LARGE1: variants seen among roughly 807,000 people sequenced by gnomAD.
The protein encoded by LARGE1 is LARGE xylosyl- and glucuronyltransferase 1, also known as xylosyl- and glucuronyltransferase LARGE1.
Under a neutral mutation model 87.6 loss-of-function variants are expected in LARGE1, and 43 were observed. The observed-to-expected ratio is 0.49, with a 90% CI of 0.38 to 0.63. The LOEUF is 0.63. Among genes scored for constraint, LARGE1 ranks in the 30% least tolerant of loss-of-function variants. The pLI, the probability that LARGE1 is intolerant of heterozygous loss-of-function variation, is 0.00. For synonymous variants in LARGE1, 434 were observed against 394.6 expected, an observed-to-expected ratio of 1.10 and a Z score of -1.18; for missense variants, 802 against 1,000.2, an observed-to-expected ratio of 0.80 and a Z score of 2.67.
At chr22:33,554,585 T>C (rs572112634) in intron 6 of LARGE1, among the ~76,000 whole-genome samples, 1 of 152,194 alleles carries the variant, frequency 6.6e-6, no homozygotes, top group Non-Finnish European at 1.5e-5. Context: ...TCCCTTGCTC[T>C]GACTCCAAGG....
intron 9 of LARGE1, among the ~76,000 whole-genome samples, chr22:33,377,843 T>C (rs2147075450): frequency 6.6e-6 from 1 of 152,362 alleles, no homozygotes; most frequent in Non-Finnish European, 1.5e-5. Flanking sequence ...AGCTGCTGTT[T>C]AACATATCCA....
chr22:33,796,798 A>T lies in LARGE1; in HGVS notation c.-82-35240T>A, dbSNP rs1284734017. Among the ~76,000 whole-genome samples the T allele has an allele frequency of 4.5e-3, 557 of 125,060 alleles. 11 individuals are homozygous for T. Among genetic ancestry groups the T allele is most frequent in the East Asian group, 0.032 (128 of 4,062 alleles). 82.0% of individuals were successfully genotyped at this position (125,060 alleles called of 152,430 possible). On this transcript the variant is annotated intron_variant, in intron 1 of 14. Coordinates refer to ENST00000397394, the MANE Select transcript of LARGE1 (RefSeq NM_133642.5). The stretch of plus-strand genomic sequence containing the variant: ...TTTTTTTTTTTTTTTTTCCCCTGAG[A>T]TGGGATGTCGCTCCGTCTCCTAGGC...
intron 1 of LARGE1, among the ~76,000 whole-genome samples, chr22:33,767,663 T>A (rs914309461): frequency 2.6e-5 from 4 of 152,012 alleles, no homozygotes; most frequent in Admixed American, 1.3e-4. Flanking sequence ...ATTAGCATCA[T>A]GGATGTTAGA....
intron 2 of LARGE1, among the ~76,000 whole-genome samples, chr22:33,710,610 C>T (rs956496188): frequency 6.6e-6 from 1 of 152,190 alleles, no homozygotes; most frequent in Non-Finnish European, 1.5e-5. Context: ...AGACTGGACA[C>T]AATGGGCACA....
At chr22:33,915,248 A>G (rs779913944) in intron 1 of LARGE1, among the ~76,000 whole-genome samples, 34 of 152,182 alleles carry the variant, frequency 2.2e-4, no homozygotes, top group Non-Finnish European at 4.6e-4. Flanking sequence ...AGAAACACAC[A>G]TATGCACACA....
chr22:33,772,514 G>A (rs945917113), intron 1 of LARGE1, among the ~76,000 whole-genome samples: 1 of 151,862 alleles, frequency 6.6e-6, no homozygotes, highest in African/African-American at 2.4e-5. Flanking sequence ...CTTTGCAAGT[G>A]TGCTCCCTGT....
At chr22:33,552,611 C>T (rs2077563938) in intron 6 of LARGE1, among the ~76,000 whole-genome samples, 1 of 152,170 alleles carries the variant, frequency 6.6e-6, no homozygotes, top group Non-Finnish European at 1.5e-5. Flanking sequence ...CCTACTCGCC[C>T]TCCTTCTCCC....
chr22:33,790,363 C>A (rs2085784508), intron 1 of LARGE1, among the ~76,000 whole-genome samples: 1 of 152,292 alleles, frequency 6.6e-6, no homozygotes, highest in Non-Finnish European at 1.5e-5. Flanking sequence ...TGAGAACATG[C>A]TAATACACCT....
chr22:33,704,932 C>G (rs1020603778), intron 2 of LARGE1: 7 of 152,250 alleles, frequency 4.6e-5, no homozygotes, highest in African/African-American at 1.7e-4. Flanking sequence ...CTGCCTGTTG[C>G]CAGAGCAGAG....
At chr22:33,696,387 T>C (rs891436406) in intron 2 of LARGE1, among the ~76,000 whole-genome samples, 15 of 151,628 alleles carry the variant, frequency 9.9e-5, no homozygotes, top group Admixed American at 2.0e-4. Flanking sequence ...CTCAGCCTCC[T>C]GAGTAGCTAG....
chr22:33,307,176 C>CT (rs778281683), intron 11 of LARGE1, among the ~76,000 whole-genome samples: 9 of 152,180 alleles, frequency 5.9e-5, no homozygotes, highest in Non-Finnish European at 1.3e-4. Context: ...TTACCTGCTG[C>CT]TTGTCATGTC....
At chr22:33,528,896 T>C (rs1026413125) in intron 6 of LARGE1, among the ~76,000 whole-genome samples, 1 of 152,194 alleles carries the variant, frequency 6.6e-6, no homozygotes, top group African/African-American at 2.4e-5. Context: ...TTATTGAGTG[T>C]CTACTATACG....
chr22:33,760,647 C>T (rs560731210), intron 2 of LARGE1, among the ~76,000 whole-genome samples: 75 of 152,256 alleles, frequency 4.9e-4, no homozygotes, highest in Non-Finnish European at 1.0e-3. Context: ...CACAGCCAGG[C>T]GCAGTGGCTC....
chr22:33,100,243 G>T, the LARGE1 span, among the ~76,000 whole-genome samples: 4 of 150,974 alleles, frequency 2.6e-5, no homozygotes, highest in Non-Finnish European at 5.9e-5. Context: ...AGCTACTCGG[G>T]AGGCTGAGGC....
chr22:33,284,735 G>A (rs1263253989), intron 12 of LARGE1, among the ~76,000 whole-genome samples: 1 of 152,108 alleles, frequency 6.6e-6, no homozygotes, highest in African/African-American at 2.4e-5. Flanking sequence ...ATGCTGCCAC[G>A]TCCATCTAAT....
At chr22:33,198,046 C>T (rs1401037535) in intron 11 of LARGE1, among the ~76,000 whole-genome samples, 1 of 151,970 alleles carries the variant, frequency 6.6e-6, no homozygotes, top group African/African-American at 2.4e-5. Context: ...TGACATTGAC[C>T]CTCAGCTCAA....
chr22:33,468,674 C>T (rs2068712060), intron 6 of LARGE1, among the ~76,000 whole-genome samples: 1 of 152,044 alleles, frequency 6.6e-6, no homozygotes, highest in South Asian at 2.1e-4. Flanking sequence ...TATATTAATC[C>T]CCGTTTGTAT....
intron 2 of LARGE1, chr22:33,657,170 A>G (rs1223101948): frequency 6.6e-6 from 1 of 152,230 alleles, no homozygotes; most frequent in Admixed American, 6.5e-5. Context: ...ACAGACCCAG[A>G]TCTCTCTAGT....
intron 2 of LARGE1, among the ~76,000 whole-genome samples, chr22:33,674,953 G>A (rs1480518590): frequency 6.6e-6 from 1 of 151,650 alleles, no homozygotes; most frequent in Non-Finnish European, 1.5e-5. Flanking sequence ...GCAACATCCA[G>A]CATATAGTAG....
Sources: allele counts gnomAD v4.1 joint callset (sites outside exome capture counted in the v4.1 genomes callset), GRCh38; gene constraint gnomAD v4.1.1; transcripts MANE v1.5; gene names NCBI Gene and HGNC (gene_info 2026-07-23, HGNC 2026-07-21).